Variants in MAP2 observed in about 807,000 individuals in gnomAD.
MAP2 encodes the protein microtubule associated protein 2.
MAP2 carries 14 observed loss-of-function variants against 137.6 expected under a neutral mutation model. The ratio of observed to expected loss-of-function variants is 0.10; its 90% CI spans 0.07 to 0.16. MAP2 has a LOEUF of 0.16. Among genes scored for constraint, MAP2 ranks in the 10% least tolerant of loss-of-function variants. The pLI, the probability that MAP2 is intolerant of heterozygous loss-of-function variation, is 1.00. For synonymous variants in MAP2, 786 were observed against 782.3 expected (o/e 1.00, Z -0.08); for missense variants, 2,088 against 2,191.5 (o/e 0.95, Z 0.94).
intron 3 of MAP2, among the ~76,000 whole-genome samples, chr2:209,621,321 C>T (rs1397948219): frequency 4.9e-5 from 7 of 143,446 alleles, no homozygotes; most frequent in African/African-American, 1.6e-4. Context: ...TACAATGGCA[C>T]GATCTCGGCT....
rs1278496748 is a variant in MAP2, at chr2:209,713,150, G to T, written c.5073+2896G>T. ...TTGTGGTAAAATTTGAAGCAATTAG[G>T]TTGTATACAAATGATTTAATTGTGA... On this transcript the variant is annotated intron_variant, in intron 13 of 15. Transcript: ENST00000682079. Among the ~76,000 whole-genome samples, 4 of 152,226 alleles carry T rather than the reference G, an allele frequency of 2.6e-5. No homozygotes were observed. The East Asian group carries it at 7.7e-4, about 29-fold the overall frequency.
intron 1 of MAP2, among the ~76,000 whole-genome samples, chr2:209,462,049 AT>A (rs1489768307): frequency 6.6e-6 from 1 of 152,186 alleles, no homozygotes; most frequent in Non-Finnish European, 1.5e-5. Flanking sequence ...CATCACACTT[AT>A]CAAAACTGTA....
At chr2:209,527,453 G>C (rs1015749946) in intron 2 of MAP2, among the ~76,000 whole-genome samples, 1 of 151,994 alleles carries the variant, frequency 6.6e-6, no homozygotes, top group Non-Finnish European at 1.5e-5. Flanking sequence ...CGCATACACC[G>C]ATGCCTACTG....
chr2:209,636,977 T>C (rs1023474444), intron 4 of MAP2, among the ~76,000 whole-genome samples: 3 of 152,182 alleles, frequency 2.0e-5, no homozygotes, highest in African/African-American at 7.2e-5. Flanking sequence ...CCAGCTTGTA[T>C]AGGATCCTGT....
intron 1 of MAP2, among the ~76,000 whole-genome samples, chr2:209,434,943 G>GTTATATGTATGTTATATATATA (rs1559157760): frequency 7.8e-6 from 1 of 128,880 alleles, no homozygotes; most frequent in Admixed American, 7.7e-5. Flanking sequence ...TTATATATAT[G>GTTATATGTATGTTATATATATA]TGTTTTATAT....
chr2:209,521,323 A>C (rs11896762), intron 2 of MAP2, among the ~76,000 whole-genome samples: 26,137 of 151,902 alleles, frequency 0.17, 3,518 homozygotes, highest in African/African-American at 0.37. Flanking sequence ...TTCCTAAATG[A>C]TTTGACCTCA....
chr2:209,565,680 C>T (rs2073247053), intron 2 of MAP2, among the ~76,000 whole-genome samples: 1 of 152,112 alleles, frequency 6.6e-6, no homozygotes, highest in South Asian at 2.1e-4. Context: ...ATCTTTCTCT[C>T]TGAGGCCGTT....
At chr2:209,643,879 T>A (rs547784989) in intron 4 of MAP2, among the ~76,000 whole-genome samples, 1 of 152,218 alleles carries the variant, frequency 6.6e-6, no homozygotes, top group East Asian at 1.9e-4. Flanking sequence ...CCAACTTCTA[T>A]TTGTGAGAAT....
intron 1 of MAP2, among the ~76,000 whole-genome samples, chr2:209,445,677 G>T (rs868852425): frequency 1.3e-5 from 2 of 151,564 alleles, no homozygotes. Flanking sequence ...AGAAAATCAT[G>T]TTCTACCAAC....
intron 1 of MAP2, among the ~76,000 whole-genome samples, chr2:209,429,053 A>C (rs536494192): frequency 4.6e-5 from 7 of 151,996 alleles, no homozygotes; most frequent in African/African-American, 1.7e-4. Flanking sequence ...CCCCGGGTTC[A>C]CGCCATTCTC....
In MAP2 at chr2:209,653,195, G is replaced by A. The variant is rs772162978; in HGVS notation, c.25G>A (p.Ala9Thr). Residue 9 changes from alanine to threonine, a missense_variant, in exon 5 of 16, where the codon GCA becomes ACA. By Grantham distance (58) the Ala-to-Thr change is moderately conservative (BLOSUM62 0). Transcript: ENST00000682079. Reference sequence around the variant, plus strand: ...AATGGCAGATGAACGGAAAGATGAAGCAAAGGCACCTCACTGGACCTCAGC... The same window carrying A: ...AATGGCAGATGAACGGAAAGATGAAACAAAGGCACCTCACTGGACCTCAGC... MADERKDE[A>T]KAPHWTSAPL... The A allele has an allele frequency of 3.1e-6, 5 of 1,603,314 alleles. No homozygotes were observed. The highest frequency in any genetic ancestry group is 3.4e-6 in the Non-Finnish European group (4 of 1,176,104).
chr2:209,477,088 C>A (rs1006404756), intron 1 of MAP2, among the ~76,000 whole-genome samples: 1 of 152,184 alleles, frequency 6.6e-6, no homozygotes, highest in Non-Finnish European at 1.5e-5. Flanking sequence ...ATGACGTCTT[C>A]CCCAAGCTTC....
intron 1 of MAP2, among the ~76,000 whole-genome samples, chr2:209,473,510 CAT>C (rs1706338864): frequency 6.6e-6 from 1 of 152,044 alleles, no homozygotes; most frequent in Admixed American, 6.6e-5. Flanking sequence ...GCTTTTGTCA[CAT>C]ATGTTTTCAT....
chr2:209,697,031 G>A lies in MAP2; in HGVS notation c.4502G>A (p.Cys1501Tyr). The A allele has an allele frequency of 2.5e-6, 4 of 1,602,070 alleles. No individual in the cohort carries two copies. The highest frequency in any genetic ancestry group is 3.4e-6 in the Non-Finnish European group (4 of 1,177,344). ...TATACTAGACCAACTCATCTCTCCT[G>A]TGTTAAGCGGAAAACCACAGGTGAC... ...IKYTRPTHLS[C>Y]VKRKTTAAGG... Residue 1501 changes from cysteine (C) to tyrosine (Y), a missense_variant, in exon 10 of 16, where the codon TGT (cysteine) becomes TAT (tyrosine). Around this residue, in one of 6 missense-constraint regions of MAP2, gnomAD observed 591 missense variants for 642.6 expected, o/e 0.92. Transcript: ENST00000682079.
At chr2:209,654,136 CAA>C (rs1196071595) in intron 5 of MAP2, among the ~76,000 whole-genome samples, 4 of 152,154 alleles carry the variant, frequency 2.6e-5, no homozygotes, top group African/African-American at 9.7e-5. Flanking sequence ...GGTGCTGCAG[CAA>C]ATTCACAAGA....
chr2:209,703,880 A>G (rs1264661295), intron 11 of MAP2: 2 of 410,082 alleles, frequency 4.9e-6, no homozygotes, highest in Admixed American at 2.7e-5. Context: ...GTAATAAGTA[A>G]TAAACATGGA....
Position 209,577,559 on chromosome 2 carries a change from T to G in MAP2, c.-171-2477T>G, listed in dbSNP as rs141109611. On this transcript the variant is annotated intron_variant, in intron 2 of 15. Transcript: ENST00000682079. ...GTAGTTTAGAAAGATTTTAAGAAAT[T>G]TTGCGCCCTCCAGTGGTTGTTTTGG... 2.7e-3 allele frequency among the ~76,000 whole-genome samples: 418 copies of G among 152,286 alleles called. 2 individuals are homozygous for G. Among genetic ancestry groups the G allele is most frequent in the Non-Finnish European group, 4.8e-3 (328 of 68,020 alleles).
In MAP2 at chr2:209,732,776, T is replaced by TTTTTG. The variant is rs2075940231; in HGVS notation, c.*2379_*2380insTTTTG. ...AAATACATGTCAAAAATAAAGATTA[T>TTTTTG]ACAAGGCACCAAACTACTAGATTTG... On this transcript the variant is annotated 3_prime_UTR_variant, in exon 16 of 16. Transcript: ENST00000682079. The TTTTTG allele has an allele frequency of 6.6e-6, 1 of 152,628 alleles. No homozygotes were observed. Among genetic ancestry groups the TTTTTG allele is most frequent in the Admixed American group, 6.5e-5 (1 of 15,278 alleles). 9.5% of individuals were successfully genotyped at this position (152,628 alleles called of 1,614,324 possible).
chr2:209,567,477 G>T (rs953255887), intron 2 of MAP2, among the ~76,000 whole-genome samples: 1 of 152,018 alleles, frequency 6.6e-6, no homozygotes, highest in Non-Finnish European at 1.5e-5. Flanking sequence ...TCAAGAAAAA[G>T]GTCAGTGGTC....
Sources: allele counts gnomAD v4.1 joint callset (sites outside exome capture counted in the v4.1 genomes callset), GRCh38; gene constraint gnomAD v4.1.1; regional missense constraint gnomAD v4.1.1; transcripts MANE v1.5; gene names NCBI Gene and HGNC (gene_info 2026-07-23, HGNC 2026-07-21).